Variants in HHIPL2 observed in about 807,000 individuals in gnomAD.
The protein encoded by HHIPL2 is HHIP like 2.
Under a neutral mutation model 61.0 loss-of-function variants are expected in HHIPL2, and 61 were observed. The observed-to-expected ratio is 1.00, with a 90% CI of 0.81 to 1.24. The LOEUF (loss-of-function observed/expected upper bound fraction) is 1.24, where lower values mean the gene tolerates loss of function less well. Among genes scored for constraint, HHIPL2 ranks in the 50% most tolerant of loss-of-function variants. HHIPL2 has a pLI of 0.00. For synonymous variants in HHIPL2, 343 were observed against 357.4 expected, an observed-to-expected ratio of 0.96 and a Z score of 0.45; for missense variants, 885 against 910.2, an observed-to-expected ratio of 0.97 and a Z score of 0.36.
chr1:222,535,516 T>C (rs116065068), intron 5 of HHIPL2, among the ~76,000 whole-genome samples: 1 of 152,274 alleles, frequency 6.6e-6, no homozygotes, highest in African/African-American at 2.4e-5. Flanking sequence ...TCTGAAGTGG[T>C]CTTCACTAAG....
At chr1:222,539,975 C>T in intron 4 of HHIPL2, 35 bp downstream of exon 4, 3 of 1,569,606 alleles carry the variant, frequency 1.9e-6, no homozygotes, top group Non-Finnish European at 2.6e-6. Flanking sequence ...CCACTCAACT[C>T]ATCCAAGAAA....
At chr1:222,538,535 T>C (rs1464393082) in intron 5 of HHIPL2, 113 bp downstream of exon 5, 1 of 992,232 alleles carries the variant, frequency 1.0e-6, no homozygotes, top group South Asian at 1.6e-5. Flanking sequence ...CATACATTTG[T>C]AAAACATCAA....
Position 222,544,064 on chromosome 1 carries a change from GGAAATGGCTGA to G in HHIPL2, c.436_446del (p.Ser146ProfsTer5). ...GGAGGCCGCGGTCATTGGTCAGCAG[GGAAATGGCTGA>G]GTGACAGTTAGAATGGAAGGCAGAG... On this transcript the variant is annotated frameshift_variant, in exon 2 of 9. Coordinates refer to ENST00000343410, the MANE Select transcript of HHIPL2 (RefSeq NM_024746.4). LOFTEE classifies it high-confidence loss of function. 6.2e-7 allele frequency: 1 copy of G among 1,614,166 alleles called. No homozygotes were observed. Among genetic ancestry groups the G allele is most frequent in the East Asian group, 2.2e-5 (1 of 44,884 alleles).
At chr1:222,540,379 C>T in intron 3 of HHIPL2, 38 bp from the exon 4 acceptor site, 1 of 1,540,096 alleles carries the variant, frequency 6.5e-7, no homozygotes, top group Non-Finnish European at 8.8e-7. Context: ...ATGAGGTAAG[C>T]AAGGAAAGCC....
chr1:222,524,373 C>T (rs573026671), intron 7 of HHIPL2: 4 of 152,398 alleles, frequency 2.6e-5, no homozygotes, highest in Non-Finnish European at 4.4e-5. Flanking sequence ...CTCTATCTCT[C>T]ACTGCCATCC....
At position 222,540,064 on chromosome 1, in the gene HHIPL2, C is replaced by G. The variant is rs138251615; in HGVS notation, c.1396G>C (p.Ala466Pro). The change falls in exon 4 of 9, where the codon GCA (alanine) becomes CCA (proline). Residue 466 changes from alanine (A) to proline (P), a missense_variant. By Grantham distance (27) the Ala-to-Pro change is conservative. Coordinates refer to ENST00000343410, the MANE Select transcript of HHIPL2 (RefSeq NM_024746.4). ...TCATAACATGCAAACCCTTCCTTTG[C>G]TCTCCAGCCATAGTTTCCACCTTTC... ...ILKGGNYGWR[A>P]KEGFACYDKK... The G allele has an allele frequency of 1.2e-6, 2 of 1,614,158 alleles. No individual in the cohort carries two copies. The highest frequency in any genetic ancestry group is 2.7e-5 in the African/African-American group (2 of 74,952).
chr1:222,534,265 T>G (rs1400316503), intron 5 of HHIPL2, among the ~76,000 whole-genome samples: 1 of 152,110 alleles, frequency 6.6e-6, no homozygotes, highest in Admixed American at 6.6e-5. Context: ...TGGCATCCAA[T>G]CAAAAATTGT....
At chr1:222,524,604 C>T (rs1260753342) in intron 7 of HHIPL2, among the ~76,000 whole-genome samples, 3 of 152,170 alleles carry the variant, frequency 2.0e-5, no homozygotes, top group Non-Finnish European at 4.4e-5. Context: ...TAGTCAGTGG[C>T]AAAGCCAAGA....
chr1:222,522,496 A>G lies in HHIPL2; in HGVS notation c.*105T>C, dbSNP rs1250992913. ...AGGAAAACCGCCCTGCCCCACCTCT[A>G]CCCTGGCTTCCCAGACTTCTAAGGT... On this transcript the variant is annotated 3_prime_UTR_variant, in exon 9 of 9. Coordinates refer to ENST00000343410, the MANE Select transcript of HHIPL2 (RefSeq NM_024746.4). 2.3e-6 allele frequency: 3 copies of G among 1,276,764 alleles called. No individual in the cohort carries two copies. The Admixed American group carries it at 6.5e-5, about 28-fold the overall frequency. The allele number at this position is 1,276,764 out of a possible 1,614,324, so 79.1% of individuals were successfully genotyped here.
At chr1:222,526,645 C>T (rs954837564) in intron 7 of HHIPL2, among the ~76,000 whole-genome samples, 13 of 134,218 alleles carry the variant, frequency 9.7e-5, no homozygotes, top group East Asian at 4.9e-4. Flanking sequence ...GCGGAGGTCG[C>T]GGTGAGACAA....
rs1659002594 is a variant in HHIPL2, at chr1:222,523,684, G to T, written c.1816C>A (p.Pro606Thr). 6.2e-7 allele frequency: 1 copy of T among 1,614,122 alleles called. No individual in the cohort carries two copies. The highest frequency in any genetic ancestry group is 2.2e-5 in the East Asian group (1 of 44,878). ...ACTGGCTTGTATTTGCACTTGCCTG[G>T]GGGTGCTCGCCTAAAAACACAAACA... ...KFVDPSRRAP[P>T]GKCKYKPVPV... The change falls in exon 8 of 9, where the codon CCA becomes ACA. Residue 606 changes from proline (P) to threonine (T), a missense_variant. Transcript: ENST00000343410.
intron 1 of HHIPL2, 84 bp downstream of exon 1, chr1:222,547,640 G>A (rs1659581835): frequency 3.3e-6 from 4 of 1,200,110 alleles, no homozygotes; most frequent in Non-Finnish European, 4.8e-6. Context: ...TAAAGGGCTG[G>A]GCTCCCAAAG....
At chr1:222,532,975 G>A (rs796191450) in intron 5 of HHIPL2, among the ~76,000 whole-genome samples, 3 of 152,206 alleles carry the variant, frequency 2.0e-5, no homozygotes, top group African/African-American at 4.8e-5. Flanking sequence ...AAGGAAGTTG[G>A]TTAGACCCTG....
chr1:222,530,170 T>A (rs2102612420), intron 6 of HHIPL2, among the ~76,000 whole-genome samples: 1 of 152,294 alleles, frequency 6.6e-6, no homozygotes, highest in African/African-American at 2.4e-5. Flanking sequence ...CTGTTGTTTT[T>A]TTTTTATGCT....
chr1:222,547,817 G>A lies in HHIPL2; in HGVS notation c.228C>T (p.Arg76=), dbSNP rs530054569. The change falls in exon 1 of 9, where the codon CGC becomes CGT. Residue 76 remains arginine (R), a synonymous_variant. Coordinates refer to ENST00000343410, the MANE Select transcript of HHIPL2 (RefSeq NM_024746.4). ...SFGCCDQHKD[R]RIAARYWDIM... ...TGTCCCAGTACCGGGCAGCGATGCG[G>A]CGGTCCTTGTGCTGATCACAGCAGC... 1.2e-6 allele frequency: 2 copies of A among 1,614,196 alleles called. No homozygotes were observed. The highest frequency in any genetic ancestry group is 2.7e-5 in the African/African-American group (2 of 75,052).
intron 4 of HHIPL2, 60 bp downstream of exon 4, chr1:222,539,950 A>C: frequency 2.9e-6 from 4 of 1,375,474 alleles, no homozygotes; most frequent in Non-Finnish European, 4.1e-6. Context: ...TTTATTCCCT[A>C]CCTCCACCTC....
At chr1:222,539,586 C>CCT (rs1659383501) in intron 4 of HHIPL2, among the ~76,000 whole-genome samples, 1 of 151,206 alleles carries the variant, frequency 6.6e-6, no homozygotes, top group Non-Finnish European at 1.5e-5. Context: ...AAGAAAGTGT[C>CCT]CTCTTACTTG....
chr1:222,525,563 A>C (rs769508956), intron 7 of HHIPL2, among the ~76,000 whole-genome samples: 4 of 152,180 alleles, frequency 2.6e-5, no homozygotes, highest in Non-Finnish European at 5.9e-5. Context: ...CAGTGGCTGG[A>C]CCTATTTGCC....
intron 5 of HHIPL2, among the ~76,000 whole-genome samples, chr1:222,532,478 G>A (rs1659213565): frequency 6.6e-6 from 1 of 152,114 alleles, no homozygotes; most frequent in South Asian, 2.1e-4. Context: ...GCCAGGCAGG[G>A]TGGTGCACAC....
Sources: gnomAD v4.1 joint callset for allele counts (sites outside exome capture counted in the v4.1 genomes callset) on GRCh38, gnomAD v4.1.1 for gene constraint, MANE v1.5 for transcripts, NCBI Gene and HGNC (gene_info 2026-07-23, HGNC 2026-07-21) for gene names.